Variants in EPB41L1 observed in about 807,000 individuals in gnomAD.
EPB41L1 encodes the protein erythrocyte membrane protein band 4.1 like 1, also known as band 4.1-like protein 1.
In EPB41L1, 29 loss-of-function variants were observed where a neutral mutation model predicts 97.8. That is an observed-to-expected ratio of 0.30 (90% CI 0.22 to 0.40). EPB41L1 has a LOEUF of 0.40. Among genes scored for constraint, EPB41L1 ranks in the 10% least tolerant of loss-of-function variants. EPB41L1 has a pLI of 1.00. For synonymous variants in EPB41L1, 383 were observed against 459.2 expected, an observed-to-expected ratio of 0.83 and a Z score of 2.12; for missense variants, 812 against 1,162.3, an observed-to-expected ratio of 0.70 and a Z score of 4.38.
chr20:36,164,025 G>A (rs1054682614), intron 1 of EPB41L1, among the ~76,000 whole-genome samples: 2 of 152,166 alleles, frequency 1.3e-5, no homozygotes, highest in Non-Finnish European at 2.9e-5. Context: ...TATATTTTTA[G>A]TAGAGACAGG....
chr20:36,113,729 T>C (rs2147613793), intron 2 of EPB41L1: 1 of 152,652 alleles, frequency 6.6e-6, no homozygotes, highest in Non-Finnish European at 1.5e-5. Context: ...GGATTAGGAG[T>C]TCCCGGGAGG....
chr20:36,190,906 A>C lies in EPB41L1; in HGVS notation c.1300+109A>C. ...GCAGGAAAATGGTAGATGCATCCCA[A>C]GTTCATCTGCACCAGGCTGGCCCCT... On this transcript the variant is annotated intron_variant, in intron 11 of 21. Coordinates refer to ENST00000338074, the MANE Select transcript of EPB41L1 (RefSeq NM_012156.2). This position sits in a 1 kb window ranked among gnomAD's most constrained non-coding sequence, Gnocchi z 5.8. The C allele has an allele frequency of 7.0e-7, 1 of 1,437,364 alleles. No individual in the cohort carries two copies. The highest frequency in any genetic ancestry group is 9.5e-7 in the Non-Finnish European group (1 of 1,053,524). 89.0% of individuals were successfully genotyped at this position (1,437,364 alleles called of 1,614,324 possible). A position where few individuals can be genotyped will look rare whatever the true frequency, so the allele number is the denominator to read the frequency against.
intron 6 of EPB41L1, among the ~76,000 whole-genome samples, chr20:36,183,839 C>T (rs1183668881): frequency 2.6e-5 from 4 of 152,104 alleles, no homozygotes; most frequent in Admixed American, 2.0e-4. Flanking sequence ...TGCCTTGGCC[C>T]TGGGCGCACA....
At position 36,131,367 on chromosome 20, in the gene EPB41L1, C is replaced by T. The variant is rs539147341; in HGVS notation, c.-10+18887C>T. ...TCAGGTGATCCACCCACCTTGGCCT[C>T]CCAAAGTGCTGAGATTACAGGTGTG... On this transcript the variant is annotated intron_variant, in intron 2 of 19. Coordinates refer to the EPB41L1 transcript ENST00000202028. Among the ~76,000 whole-genome samples, 6 of 152,138 alleles carry T rather than the reference C, an allele frequency of 3.9e-5. No homozygotes were observed. In the South Asian group the frequency reaches 1.2e-3, roughly 31 times the overall value.
intron 2 of EPB41L1, among the ~76,000 whole-genome samples, chr20:36,116,861 G>T (rs1331475931): frequency 1.3e-5 from 2 of 152,220 alleles, no homozygotes; most frequent in Non-Finnish European, 2.9e-5. Flanking sequence ...GAAATTGGGG[G>T]AAGAGTATGA....
At chr20:36,186,973 G>A (rs1439129789) in intron 7 of EPB41L1, among the ~76,000 whole-genome samples, 4 of 152,118 alleles carry the variant, frequency 2.6e-5, no homozygotes, top group African/African-American at 9.7e-5. Context: ...GTGTGACCTT[G>A]GACAAGTTAC....
intron 1 of EPB41L1, among the ~76,000 whole-genome samples, chr20:36,160,585 G>A (rs1263064324): frequency 4.0e-5 from 6 of 148,822 alleles, no homozygotes; most frequent in East Asian, 3.9e-4. Flanking sequence ...GCGAGACTCC[G>A]TCACAAAAAA....
chr20:36,095,132 C>T (rs2057787901), intron 1 of EPB41L1, among the ~76,000 whole-genome samples: 1 of 152,162 alleles, frequency 6.6e-6, no homozygotes, highest in Non-Finnish European at 1.5e-5. Context: ...CCACCACGCC[C>T]GACTAATTTT....
chr20:36,093,672 TGTGCGTGC>T lies in EPB41L1; in HGVS notation c.-65+2072_-65+2079del, dbSNP rs771179516. Among the ~76,000 whole-genome samples, 2 of 148,258 alleles carry T rather than the reference TGTGCGTGC, an allele frequency of 1.3e-5. No homozygotes were observed. Among genetic ancestry groups the T allele is most frequent in the South Asian group, 2.2e-4 (1 of 4,646 alleles). ...GAGGGCGTGTCCTGCTTGAAGCCCG[TGTGCGTGC>T]GTGCGTGCGTGTGTGTGTGTGTGTA... On this transcript the variant is annotated intron_variant, in intron 1 of 19. Coordinates refer to the EPB41L1 transcript ENST00000202028. This position sits in a 1 kb window ranked among gnomAD's most constrained non-coding sequence, Gnocchi z 5.4.
At chr20:36,160,584 C>T (rs1260628101) in intron 1 of EPB41L1, among the ~76,000 whole-genome samples, 8 of 149,590 alleles carry the variant, frequency 5.3e-5, no homozygotes, top group Middle Eastern at 6.9e-3. Flanking sequence ...AGCGAGACTC[C>T]GTCACAAAAA....
At chr20:36,228,703 T>G (rs2147235353) in intron 21 of EPB41L1, among the ~76,000 whole-genome samples, 1 of 152,342 alleles carries the variant, frequency 6.6e-6, no homozygotes, top group East Asian at 1.9e-4. Context: ...CACTGAGTTT[T>G]GGAGCCAAAC....
chr20:36,216,637 A>T (rs1420913287), intron 17 of EPB41L1, among the ~76,000 whole-genome samples: 1 of 152,148 alleles, frequency 6.6e-6, no homozygotes, highest in African/African-American at 2.4e-5. Context: ...CCTTCCACAA[A>T]TATTGATTGA....
chr20:36,097,725 T>C (rs1407677303), intron 1 of EPB41L1, among the ~76,000 whole-genome samples: 1 of 152,188 alleles, frequency 6.6e-6, no homozygotes, highest in African/African-American at 2.4e-5. Flanking sequence ...TCTGGGTATT[T>C]GAAATAGCAT....
At chr20:36,134,711 G>A (rs574310611) in intron 2 of EPB41L1, among the ~76,000 whole-genome samples, 2 of 152,142 alleles carry the variant, frequency 1.3e-5, no homozygotes, top group East Asian at 1.9e-4. Flanking sequence ...GCTCCTCAGG[G>A]GTCCAGGTCT....
chr20:36,131,600 A>G (rs1175822880), intron 2 of EPB41L1, among the ~76,000 whole-genome samples: 2 of 152,102 alleles, frequency 1.3e-5, no homozygotes, highest in Non-Finnish European at 2.9e-5. Flanking sequence ...TGTAAAGTGA[A>G]CATCATGACA....
At chr20:36,097,658 T>G (rs543177509) in intron 1 of EPB41L1, among the ~76,000 whole-genome samples, 1 of 152,228 alleles carries the variant, frequency 6.6e-6, no homozygotes, top group East Asian at 1.9e-4. Flanking sequence ...GTGTGGCTGT[T>G]TATGGAGGAA....
intron 6 of EPB41L1, 40 bp from the exon 7 acceptor site, chr20:36,185,077 G>A: frequency 6.3e-7 from 1 of 1,596,684 alleles, no homozygotes. Context: ...CTAGGGAGGA[G>A]TAGGGCCCTG....
chr20:36,212,303 G>C lies in EPB41L1; in HGVS notation c.2111G>C (p.Ser704Thr), dbSNP rs764987877. 5 of 1,614,198 alleles carry C rather than the reference G, an allele frequency of 3.1e-6. No individual in the cohort carries two copies. In the South Asian group the frequency reaches 4.4e-5, roughly 14 times the overall value. ...PVKTETMTVS[S>T]LAIRKKIEPE... is the part of the protein sequence containing the mutation. ...AAAACAGAAACCATGACTGTCAGCA[G>C]TCTGGCCATTAGAAAGAAGATTGAG... Residue 704 changes from serine (S) to threonine (T), a missense_variant, in exon 16 of 22, where the codon AGT (serine) becomes ACT (threonine). Coordinates refer to ENST00000338074, the MANE Select transcript of EPB41L1 (RefSeq NM_012156.2). The surrounding 1 kb of genome is among the most constrained non-coding windows in gnomAD (Gnocchi z 4.8).
In EPB41L1 at chr20:36,190,186, A is replaced by G. The variant is rs531854887; in HGVS notation, c.1027-91A>G. The G allele has an allele frequency of 1.3e-5, 14 of 1,093,204 alleles. No individual in the cohort carries two copies. The South Asian group carries it at 1.7e-4, about 14-fold the overall frequency. The allele number at this position is 1,093,204 out of a possible 1,614,324, so 67.7% of individuals were successfully genotyped here. ...TCGAGACCCTGTGTCTCAAAAAAAC[A>G]TTAAACAAATAAAATAAAAAACACA... is the stretch of plus-strand genomic sequence containing the variant. On this transcript the variant is annotated intron_variant, in intron 9 of 21. Coordinates refer to ENST00000338074, the MANE Select transcript of EPB41L1 (RefSeq NM_012156.2). The surrounding 1 kb of genome is among the most constrained non-coding windows in gnomAD (Gnocchi z 5.8).
Sources: allele counts gnomAD v4.1 joint callset (sites outside exome capture counted in the v4.1 genomes callset), GRCh38; gene constraint gnomAD v4.1.1; non-coding constraint Gnocchi (gnomAD v3.1); transcripts MANE v1.5; gene names NCBI Gene and HGNC (gene_info 2026-07-23, HGNC 2026-07-21).